The following PDE4D variants were observed in gnomAD, a reference collection of about 807,000 sequenced individuals.
PDE4D encodes 3',5'-cyclic-AMP phosphodiesterase 4D.
A neutral mutation model predicts 87.4 loss-of-function variants in PDE4D; 24 were observed. The observed-to-expected ratio is 0.27, with a 90% CI of 0.20 to 0.39. The LOEUF is 0.39. Ranked by LOEUF, PDE4D falls within the 10% of genes least tolerant of loss-of-function variation. The pLI is 1.00. For synonymous variants in PDE4D, 384 were observed against 383.2 expected (o/e 1.00, Z -0.02); for missense variants, 714 against 1,041.0 (o/e 0.69, Z 4.32).
At chr5:58,993,708 G>A (rs571308783) in intron 6 of PDE4D, among the ~76,000 whole-genome samples, 1 of 152,230 alleles carries the variant, frequency 6.6e-6, no homozygotes, top group East Asian at 1.9e-4. Flanking sequence ...TAGTGCAAAT[G>A]AGAAACCAAA....
intron 6 of PDE4D, among the ~76,000 whole-genome samples, chr5:59,015,998 G>A (rs10044687): frequency 0.1 from 15,306 of 152,122 alleles, 1,034 homozygotes; most frequent in Non-Finnish European, 0.13. Flanking sequence ...GAAACTGGAA[G>A]CCATCATTCT....
At chr5:60,426,603 C>A (rs2150103029) in intron 1 of PDE4D, among the ~76,000 whole-genome samples, 1 of 152,116 alleles carries the variant, frequency 6.6e-6, no homozygotes, top group Middle Eastern at 3.4e-3. Flanking sequence ...ATGGGTGAAG[C>A]AAACCAACAT....
intron 5 of PDE4D, among the ~76,000 whole-genome samples, chr5:59,116,029 G>A (rs956920091): frequency 6.6e-6 from 1 of 152,070 alleles, no homozygotes; most frequent in African/African-American, 2.4e-5. Flanking sequence ...TATCTCAGTC[G>A]ATGAATTAGC....
intron 1 of PDE4D, among the ~76,000 whole-genome samples, chr5:59,807,876 A>G (rs1487854472): frequency 1.3e-5 from 2 of 152,176 alleles, no homozygotes; most frequent in African/African-American, 4.8e-5. Flanking sequence ...TCAAAATTTC[A>G]GAAGCAGCCT....
At chr5:59,148,759 G>A (rs1779047184) in intron 5 of PDE4D, among the ~76,000 whole-genome samples, 1 of 119,652 alleles carries the variant, frequency 8.4e-6, no homozygotes, top group Admixed American at 8.5e-5. Flanking sequence ...ATAGCGGTGT[G>A]TGTGTGTGTG....
At chr5:60,327,629 G>A (rs571875767) in intron 1 of PDE4D, among the ~76,000 whole-genome samples, 2 of 152,074 alleles carry the variant, frequency 1.3e-5, no homozygotes, top group Non-Finnish European at 2.9e-5. Flanking sequence ...AAACAGAAAC[G>A]TGTATGTGCG....
At chr5:60,170,164 C>T (rs1410374730) in intron 2 of PDE4D, among the ~76,000 whole-genome samples, 1 of 151,826 alleles carries the variant, frequency 6.6e-6, no homozygotes, top group Non-Finnish European at 1.5e-5. Context: ...AATATTATGC[C>T]ACCATATGGC....
chr5:59,172,112 A>G (rs1419329007), intron 5 of PDE4D, among the ~76,000 whole-genome samples: 2 of 77,504 alleles, frequency 2.6e-5, no homozygotes, highest in African/African-American at 1.1e-4. Flanking sequence ...TTATATATAT[A>G]ATAAATATAT....
At chr5:60,289,443 T>G (rs914553590) in intron 1 of PDE4D, among the ~76,000 whole-genome samples, 12 of 152,206 alleles carry the variant, frequency 7.9e-5, no homozygotes, top group Non-Finnish European at 1.5e-5. Flanking sequence ...CATCTGTCTC[T>G]TCTAATTTCA....
chr5:59,145,741 G>C (rs4700322), intron 5 of PDE4D, among the ~76,000 whole-genome samples: 96,188 of 152,028 alleles, frequency 0.63, 30,656 homozygotes, highest in Non-Finnish European at 0.67. Flanking sequence ...CCATGTCTGC[G>C]AAATCATGTG....
chr5:59,914,978 G>A (rs1402469322), intron 3 of PDE4D, among the ~76,000 whole-genome samples: 1 of 151,364 alleles, frequency 6.6e-6, no homozygotes, highest in African/African-American at 2.4e-5. Context: ...CCAAATTATA[G>A]TGCTTCTATT....
chr5:60,217,062 C>T (rs1743930571), intron 1 of PDE4D, among the ~76,000 whole-genome samples: 2 of 151,972 alleles, frequency 1.3e-5, no homozygotes, highest in Admixed American at 1.3e-4. Flanking sequence ...ATGTTATATA[C>T]ATACAATGGA....
intron 1 of PDE4D, among the ~76,000 whole-genome samples, chr5:59,778,878 T>C (rs559056530): frequency 7.9e-5 from 12 of 152,318 alleles, no homozygotes; most frequent in African/African-American, 2.9e-4. Context: ...AGAAATCCTT[T>C]TGCTAGGCCA....
chr5:59,980,964 A>T (rs1761863443), intron 3 of PDE4D, among the ~76,000 whole-genome samples: 1 of 152,096 alleles, frequency 6.6e-6, no homozygotes, highest in South Asian at 2.1e-4. Flanking sequence ...AAAATCACAA[A>T]TTTGGGGCCA....
intron 1 of PDE4D, among the ~76,000 whole-genome samples, chr5:60,291,994 C>T (rs1303254441): frequency 3.3e-5 from 5 of 151,972 alleles, no homozygotes; most frequent in Non-Finnish European, 5.9e-5. Context: ...CAGACTTTTT[C>T]GTTACATAGG....
intron 1 of PDE4D, among the ~76,000 whole-genome samples, chr5:59,495,020 C>G (rs1197505237): frequency 3.3e-5 from 5 of 152,196 alleles, no homozygotes; most frequent in Non-Finnish European, 7.3e-5. Flanking sequence ...CATCAATATG[C>G]TCTTTCTACC....
intron 2 of PDE4D, among the ~76,000 whole-genome samples, chr5:60,108,884 T>C (rs2149352300): frequency 6.6e-6 from 1 of 152,152 alleles, no homozygotes; most frequent in East Asian, 1.9e-4. Flanking sequence ...GACTTAAATG[T>C]TAGACCTAAA....
chr5:59,489,515 G>T lies in PDE4D; in HGVS notation c.456-273547C>A, dbSNP rs1204141004. On this transcript the variant is annotated intron_variant, in intron 1 of 14. Coordinates refer to ENST00000340635, the MANE Select transcript of PDE4D (RefSeq NM_001104631.2). ...TTTCTCTGGAGAATTACCTTACAAG[G>T]TTTAAAATATGTATATTAAGGAAGC... Among the ~76,000 whole-genome samples, 3 of 152,090 alleles carry T rather than the reference G, an allele frequency of 2.0e-5. 1 individual carries two copies. The highest frequency in any genetic ancestry group is 4.1e-4 in the South Asian group (2 of 4,824).
chr5:60,166,840 T>A (rs1782953244), intron 2 of PDE4D, among the ~76,000 whole-genome samples: 1 of 152,224 alleles, frequency 6.6e-6, no homozygotes, highest in Non-Finnish European at 1.5e-5. Flanking sequence ...GCTGGCATTT[T>A]TTTTTTCCTT....
Sources: allele counts gnomAD v4.1 joint callset (sites outside exome capture counted in the v4.1 genomes callset), GRCh38; gene constraint gnomAD v4.1.1; transcripts MANE v1.5; gene names NCBI Gene and HGNC (gene_info 2026-07-23, HGNC 2026-07-21).